The following GULP1 variants were observed in gnomAD, a reference collection of about 807,000 sequenced individuals.
GULP1 encodes PTB domain-containing engulfment adapter protein 1.
A neutral mutation model predicts 40.9 loss-of-function variants in GULP1; 19 were observed. The ratio of observed to expected loss-of-function variants is 0.46; its 90% confidence interval spans 0.32 to 0.68. The LOEUF is 0.68. Ranked by LOEUF, GULP1 falls within the 30% of genes least tolerant of loss-of-function variation. The pLI is 0.03. For missense variants in GULP1, 312 were observed against 362.2 expected (o/e 0.86, Z 1.12); for synonymous variants, 119 against 117.6 (o/e 1.01, Z -0.08).
intron 7 of GULP1, among the ~76,000 whole-genome samples, chr2:188,546,774 A>G (rs1404089491): frequency 3.3e-5 from 5 of 152,074 alleles, no homozygotes; most frequent in African/African-American, 1.2e-4. Flanking sequence ...CTGATTCTTT[A>G]AAAGATTATA....
intron 1 of GULP1, among the ~76,000 whole-genome samples, chr2:188,366,483 T>C (rs2046799327): frequency 6.6e-6 from 1 of 152,050 alleles, no homozygotes; most frequent in African/African-American, 2.4e-5. Flanking sequence ...CTGAACTAGC[T>C]CTCTTTTCTT....
In GULP1 at chr2:188,403,903, A is replaced by G. The variant is rs145907353; in HGVS notation, c.-45+20014A>G. 2.1e-3 allele frequency among the ~76,000 whole-genome samples: 323 copies of G among 152,250 alleles called. 1 individual carries two copies. Among genetic ancestry groups the G allele is most frequent in the Admixed American group, 5.9e-3 (90 of 15,296 alleles). On this transcript the variant is annotated intron_variant, in intron 2 of 11. Coordinates refer to ENST00000409830, the MANE Select transcript of GULP1 (RefSeq NM_016315.4). ...AAGGATATGAGTTTGGACTGGAGAA[A>G]ACCAGTGAAGTATTCAGATGATTAG...
At chr2:188,545,757 C>G (rs1397538273) in intron 7 of GULP1, among the ~76,000 whole-genome samples, 2 of 151,806 alleles carry the variant, frequency 1.3e-5, no homozygotes, top group Admixed American at 6.6e-5. Flanking sequence ...TGTAAATGGT[C>G]TAACTACACC....
chr2:188,545,650 A>G (rs975969584), intron 7 of GULP1, among the ~76,000 whole-genome samples: 1 of 151,928 alleles, frequency 6.6e-6, no homozygotes, highest in Non-Finnish European at 1.5e-5. Flanking sequence ...ATAGAGATGC[A>G]ATGAAAAGAA....
chr2:188,582,286 C>T (rs1374885127), intron 9 of GULP1: 1 of 447,760 alleles, frequency 2.2e-6, no homozygotes, highest in East Asian at 7.1e-5. Flanking sequence ...ATACTTTCTC[C>T]TTTCCTCCAT....
chr2:188,348,547 G>GCA (rs2044010215), intron 1 of GULP1, among the ~76,000 whole-genome samples: 1 of 152,180 alleles, frequency 6.6e-6, no homozygotes, highest in Non-Finnish European at 1.5e-5. Flanking sequence ...TAAGGAGGAA[G>GCA]TGTTAGATAA....
chr2:188,494,905 A>G (rs1487080949), intron 4 of GULP1, among the ~76,000 whole-genome samples: 1 of 151,854 alleles, frequency 6.6e-6, no homozygotes, highest in African/African-American at 2.4e-5. Context: ...TTCCTTGCTA[A>G]ATGTCAATGC....
At chr2:188,316,039 A>G (rs1416386770) in intron 1 of GULP1, among the ~76,000 whole-genome samples, 1 of 152,140 alleles carries the variant, frequency 6.6e-6, no homozygotes, top group Non-Finnish European at 1.5e-5. Context: ...AATGATGGCG[A>G]TTACCATTTA....
chr2:188,391,501 G>A (rs965815929), intron 2 of GULP1, among the ~76,000 whole-genome samples: 1 of 152,022 alleles, frequency 6.6e-6, no homozygotes, highest in Non-Finnish European at 1.5e-5. Context: ...AAATCTAGGA[G>A]TCTTTTGGAG....
intron 2 of GULP1, among the ~76,000 whole-genome samples, chr2:188,448,782 C>A (rs2058603676): frequency 6.6e-6 from 1 of 152,110 alleles, no homozygotes; most frequent in Non-Finnish European, 1.5e-5. Flanking sequence ...TGGGTAGATT[C>A]TTCAAGGTTT....
At chr2:188,366,056 G>A (rs1438762370) in intron 1 of GULP1, among the ~76,000 whole-genome samples, 1 of 152,120 alleles carries the variant, frequency 6.6e-6, no homozygotes, top group African/African-American at 2.4e-5. Flanking sequence ...CTGCTCAACT[G>A]AGGGGCATCC....
At chr2:188,405,645 A>G (rs2152681088) in intron 2 of GULP1, among the ~76,000 whole-genome samples, 1 of 152,326 alleles carries the variant, frequency 6.6e-6, no homozygotes, top group East Asian at 1.9e-4. Flanking sequence ...GCTCCATGCC[A>G]GTGGATCCAG....
At chr2:188,362,593 C>A (rs1453697835) in intron 1 of GULP1, among the ~76,000 whole-genome samples, 2 of 152,116 alleles carry the variant, frequency 1.3e-5, no homozygotes, top group African/African-American at 4.8e-5. Flanking sequence ...TGTTAAAGGT[C>A]TGTTGCTTGT....
intron 1 of GULP1, among the ~76,000 whole-genome samples, chr2:188,331,140 T>C (rs1029941737): frequency 6.6e-6 from 1 of 152,218 alleles, no homozygotes; most frequent in Non-Finnish European, 1.5e-5. Context: ...CTTTTTCTTT[T>C]TGTCTCTGAA....
chr2:188,412,175 C>T (rs2053978043), intron 2 of GULP1, among the ~76,000 whole-genome samples: 1 of 152,056 alleles, frequency 6.6e-6, no homozygotes, highest in Non-Finnish European at 1.5e-5. Context: ...GCAAACACAT[C>T]CTTCTCATGG....
At chr2:188,332,390 A>C (rs534186946) in intron 1 of GULP1, among the ~76,000 whole-genome samples, 2 of 152,174 alleles carry the variant, frequency 1.3e-5, no homozygotes, top group South Asian at 4.1e-4. Context: ...AGGTTTCGCC[A>C]TGTTGGCCAG....
At chr2:188,534,953 G>A (rs1339690310) in intron 6 of GULP1, among the ~76,000 whole-genome samples, 2 of 151,596 alleles carry the variant, frequency 1.3e-5, no homozygotes, top group East Asian at 1.9e-4. Flanking sequence ...TAATGCCAGT[G>A]CTTTTCTTTC....
At chr2:188,377,261 T>G (rs1450459097) in intron 1 of GULP1, among the ~76,000 whole-genome samples, 4 of 152,164 alleles carry the variant, frequency 2.6e-5, no homozygotes, top group Non-Finnish European at 4.4e-5. Context: ...GTGTGAAAGA[T>G]ATGGAACTTT....
At chr2:188,447,878 T>A (rs909941934) in intron 2 of GULP1, among the ~76,000 whole-genome samples, 1 of 152,214 alleles carries the variant, frequency 6.6e-6, no homozygotes, top group Admixed American at 6.5e-5. Flanking sequence ...TGTTTTCTTA[T>A]TGATCACTGT....
Sources: allele counts gnomAD v4.1 joint callset (sites outside exome capture counted in the v4.1 genomes callset), GRCh38; gene constraint gnomAD v4.1.1; transcripts MANE v1.5; gene names NCBI Gene and HGNC (gene_info 2026-07-23, HGNC 2026-07-21).